The following SERPINI2 variants were observed in gnomAD, a reference collection of about 807,000 sequenced individuals.
SERPINI2 encodes serpin I2.
In SERPINI2, 48 loss-of-function variants were observed where a neutral mutation model predicts 47.3. The observed-to-expected ratio is 1.02, with a 90% confidence interval of 0.81 to 1.29. The LOEUF (loss-of-function observed/expected upper bound fraction) is 1.29. Among genes scored for constraint, SERPINI2 ranks in the 50% most tolerant of loss-of-function variants. The pLI is 0.00. For synonymous variants in SERPINI2, 135 were observed against 149.3 expected (o/e 0.90, Z 0.70); for missense variants, 448 against 456.9 (o/e 0.98, Z 0.18).
chr3:167,473,981 T>C, intron 1 of SERPINI2, 22 bp downstream of exon 1: 1 of 1,163,830 alleles, frequency 8.6e-7, no homozygotes, highest in African/African-American at 1.6e-5. Context: ...ATTCAAAAGC[T>C]ATTTATTTCT....
chr3:167,462,540 G>C (rs889328421), intron 5 of SERPINI2, among the ~76,000 whole-genome samples: 4 of 152,040 alleles, frequency 2.6e-5, no homozygotes, highest in Non-Finnish European at 4.4e-5. Context: ...ATTAGAGCCC[G>C]GCCTAATGAC....
upstream of SERPINI2, among the ~76,000 whole-genome samples, chr3:167,476,738 C>T (rs1006753152): frequency 2.6e-5 from 4 of 151,968 alleles, no homozygotes; most frequent in African/African-American, 4.8e-5. Context: ...TATAGCTTCA[C>T]TTCAGAACGC....
chr3:167,474,153 C>G, upstream of SERPINI2: 1 of 988,612 alleles, frequency 1.0e-6, no homozygotes, highest in South Asian at 4.7e-5. Flanking sequence ...AGCAGGTGTT[C>G]ACTACATTTG....
At chr3:167,470,475 G>C (rs958564326) in intron 2 of SERPINI2, among the ~76,000 whole-genome samples, 6 of 147,154 alleles carry the variant, frequency 4.1e-5, no homozygotes, top group Admixed American at 1.4e-4. Flanking sequence ...CAGTATCTCA[G>C]AGTAATCCAA....
chr3:167,465,747 T>A, intron 3 of SERPINI2, 74 bp from the exon 4 acceptor site: 1 of 1,305,708 alleles, frequency 7.7e-7, no homozygotes, highest in Non-Finnish European at 1.0e-6. Context: ...TGAATAGAAT[T>A]AAAGCAAAAG....
intron 5 of SERPINI2, among the ~76,000 whole-genome samples, chr3:167,463,549 T>C (rs1467687350): frequency 6.6e-6 from 1 of 152,004 alleles, no homozygotes; most frequent in East Asian, 1.9e-4. Flanking sequence ...AATAAGTCAG[T>C]AGTGTCCTGG....
chr3:167,456,207 CTATT>C (rs145573280), intron 5 of SERPINI2, among the ~76,000 whole-genome samples: 1,522 of 148,794 alleles, frequency 0.01, 20 homozygotes, highest in African/African-American at 0.036. Flanking sequence ...TTAAAATACT[CTATT>C]AACGTCACAG....
exon 8 of SERPINI2, chr3:167,446,461 T>A (rs1453394920): frequency 6.2e-7 from 1 of 1,606,828 alleles, no homozygotes; most frequent in Admixed American, 1.7e-5. Flanking sequence ...GCCAGACTCA[T>A]GATCACAGGG....
chr3:167,452,283 T>C (rs75936285), intron 6 of SERPINI2, among the ~76,000 whole-genome samples: 4,722 of 152,268 alleles, frequency 0.031, 119 homozygotes, highest in Non-Finnish European at 0.03. Flanking sequence ...TCATCCATTT[T>C]TTTAGCGAGT....
intron 6 of SERPINI2, 127 bp from the exon 7 acceptor site, chr3:167,449,529 C>G (rs1207679292): frequency 2.4e-6 from 1 of 425,522 alleles, no homozygotes; most frequent in Non-Finnish European, 3.9e-6. Flanking sequence ...GAGTCTTGCT[C>G]TGTCACCCAG....
At position 167,467,802 on chromosome 3, in the gene SERPINI2, T is replaced by C. The variant is rs145346439; in HGVS notation, c.248-517A>G. ...TTTAAATTTTACAAGGCAACCTCTG[T>C]AATCATCTCTAGAGATGCGTAAGAA... On this transcript the variant is annotated intron_variant, in intron 2 of 8. Coordinates refer to ENST00000264677, the Ensembl canonical transcript of SERPINI2. Among the ~76,000 whole-genome samples, 12 of 152,270 alleles carry C rather than the reference T, an allele frequency of 7.9e-5. No individual in the cohort carries two copies. In the East Asian group the frequency reaches 2.3e-3, roughly 29 times the overall value.
intron 8 of SERPINI2, 46 bp from the exon 9 acceptor site, chr3:167,442,231 A>G: frequency 7.4e-7 from 1 of 1,348,408 alleles, no homozygotes; most frequent in Admixed American, 2.3e-5. Flanking sequence ...ATTTCAGGAG[A>G]AAACAACTGA....
chr3:167,470,709 A>AT (rs2108173703), intron 2 of SERPINI2, among the ~76,000 whole-genome samples: 1 of 151,928 alleles, frequency 6.6e-6, no homozygotes, highest in Admixed American at 6.6e-5. Flanking sequence ...CTATAGGCAC[A>AT]TGCCACCATG....
intron 5 of SERPINI2, among the ~76,000 whole-genome samples, chr3:167,461,005 T>C (rs997195231): frequency 2.0e-5 from 3 of 152,028 alleles, no homozygotes; most frequent in Non-Finnish European, 2.9e-5. Flanking sequence ...ATGTAATAAG[T>C]GCTATGATGT....
At chr3:167,457,557 C>G (rs1417877850) in intron 5 of SERPINI2, among the ~76,000 whole-genome samples, 1 of 152,194 alleles carries the variant, frequency 6.6e-6, no homozygotes. Flanking sequence ...GGTTTTTTAA[C>G]TGATCTTTTA....
chr3:167,474,033 T>C, exon 1 of SERPINI2: 1 of 1,086,136 alleles, frequency 9.2e-7, no homozygotes, highest in Non-Finnish European at 1.1e-6. Flanking sequence ...TTCACTGGAA[T>C]GTTACAACTA....
At chr3:167,474,217 T>C (rs1361589807), upstream of SERPINI2, 9 of 681,906 alleles carry the variant, frequency 1.3e-5, no homozygotes, top group Non-Finnish European at 1.6e-5. Flanking sequence ...TGTGCAAGAA[T>C]TGAGAAAAAA....
chr3:167,459,078 GTT>G (rs536122299), intron 5 of SERPINI2, among the ~76,000 whole-genome samples: 2 of 139,020 alleles, frequency 1.4e-5, no homozygotes, highest in Non-Finnish European at 3.1e-5. Context: ...GTTTTTTTTT[GTT>G]TTTTTTTTTT....
At chr3:167,458,968 A>G (rs1749896063) in intron 5 of SERPINI2, among the ~76,000 whole-genome samples, 1 of 152,196 alleles carries the variant, frequency 6.6e-6, no homozygotes, top group South Asian at 2.1e-4. Context: ...ATTTTTGCCC[A>G]TACACACAGT....
Sources: gnomAD v4.1 joint callset for allele counts (sites outside exome capture counted in the v4.1 genomes callset) on GRCh38, gnomAD v4.1.1 for gene constraint, MANE v1.5 for transcripts, NCBI Gene and HGNC (gene_info 2026-07-23, HGNC 2026-07-21) for gene names.